The following LRP6 variants were observed in gnomAD, a reference collection of about 807,000 sequenced individuals.
The protein encoded by LRP6 is low-density lipoprotein receptor-related protein 6.
LRP6 carries 43 observed loss-of-function variants against 184.1 expected under a neutral mutation model. That is an observed-to-expected ratio of 0.23 (90% CI 0.18 to 0.30). The LOEUF (loss-of-function observed/expected upper bound fraction) is 0.30, where lower values mean the gene tolerates loss of function less well. Ranked by LOEUF, LRP6 falls within the 10% of genes least tolerant of loss-of-function variation. The pLI is 1.00. For missense variants in LRP6, 1,571 were observed against 2,005.3 expected (o/e 0.78, Z 4.14); for synonymous variants, 719 against 684.9 (o/e 1.05, Z -0.78).
intron 7 of LRP6, among the ~76,000 whole-genome samples, chr12:12,166,821 G>C (rs942042507): frequency 2.5e-4 from 38 of 152,208 alleles, no homozygotes; most frequent in Admixed American, 1.6e-3. Flanking sequence ...AATGAGGCTG[G>C]GTATGGTGGC....
intron 2 of LRP6, among the ~76,000 whole-genome samples, chr12:12,228,812 C>T (rs1864698671): frequency 6.6e-6 from 1 of 152,168 alleles, no homozygotes; most frequent in African/African-American, 2.4e-5. Context: ...AACTGTCTTC[C>T]ACAGAACCAG....
chr12:12,190,815 G>A (rs376354603), intron 3 of LRP6, among the ~76,000 whole-genome samples: 4 of 152,322 alleles, frequency 2.6e-5, no homozygotes, highest in East Asian at 3.9e-4. Flanking sequence ...CAGTGAAGCT[G>A]TAATAATATC....
At chr12:12,199,841 G>A (rs1035449598) in intron 3 of LRP6, among the ~76,000 whole-genome samples, 1 of 151,702 alleles carries the variant, frequency 6.6e-6, no homozygotes, top group Non-Finnish European at 1.5e-5. Context: ...GTGCGCACCT[G>A]TAATCCCAGC....
intron 1 of LRP6, among the ~76,000 whole-genome samples, chr12:12,257,372 A>G (rs1193844039): frequency 7.9e-5 from 12 of 151,992 alleles, no homozygotes; most frequent in Admixed American, 7.9e-4. Context: ...AGGTCAGGAG[A>G]TCAGACCATC....
intron 7 of LRP6, among the ~76,000 whole-genome samples, chr12:12,174,182 GCTCACTGCAAC>G (rs1055093814): frequency 6.6e-6 from 1 of 151,764 alleles, no homozygotes; most frequent in African/African-American, 2.4e-5. Context: ...CCTGATCTCG[GCTCACTGCAAC>G]CTCCGCCACC....
chr12:12,125,472 T>C (rs1265677074), intron 20 of LRP6, 40 bp from the exon 21 acceptor site: 2 of 1,572,200 alleles, frequency 1.3e-6, no homozygotes, highest in Admixed American at 1.7e-5. Context: ...ATGAGTATGA[T>C]ATATAAAAAT....
intron 10 of LRP6, 96 bp from the exon 11 acceptor site, chr12:12,160,060 AAC>A: frequency 2.3e-6 from 2 of 878,456 alleles, no homozygotes; most frequent in South Asian, 3.8e-5. Flanking sequence ...ATTTAAAGAA[AAC>A]ATACAGCAAA....
At chr12:12,132,533 T>C (rs1338756394) in intron 17 of LRP6, among the ~76,000 whole-genome samples, 1 of 152,186 alleles carries the variant, frequency 6.6e-6, no homozygotes, top group Non-Finnish European at 1.5e-5. Flanking sequence ...TGCTTTTTTT[T>C]GGCTATCTTT....
chr12:12,150,908 TG>T lies in LRP6; in HGVS notation c.2921del (p.Pro974HisfsTer15). The T allele has an allele frequency of 6.2e-7, 1 of 1,614,170 alleles. No individual in the cohort carries two copies. Among genetic ancestry groups the T allele is most frequent in the Non-Finnish European group, 8.5e-7 (1 of 1,180,010 alleles). On this transcript the variant is annotated frameshift_variant, in exon 13 of 23. Transcript: ENST00000261349. LOFTEE classifies it high-confidence loss of function. Reference sequence around the variant, plus strand: ...CAATCCAATAGAGTTGCTTGTCCAGTGGGTCATAGTCAATGGCCCGGACATT... The same window carrying T: ...CAATCCAATAGAGTTGCTTGTCCAGTGGTCATAGTCAATGGCCCGGACATT... The part of the protein sequence containing the change: ...LRNVRAIDYD[P>X]LDKQLYWIDS...
chr12:12,260,664 C>CT (rs1865592308), intron 1 of LRP6, among the ~76,000 whole-genome samples: 1 of 152,194 alleles, frequency 6.6e-6, no homozygotes, highest in Non-Finnish European at 1.5e-5. Context: ...ACTGTGCGTT[C>CT]TACTACCCCT....
chr12:12,194,415 C>T lies in LRP6; in HGVS notation c.648-7296G>A, dbSNP rs73291594. Among the ~76,000 whole-genome samples, 1,112 of 151,936 alleles carry T rather than the reference C, an allele frequency of 7.3e-3. 14 individuals carry two copies. Among genetic ancestry groups the T allele is most frequent in the African/African-American group, 0.025 (1,055 of 41,446 alleles). On this transcript the variant is annotated intron_variant, in intron 3 of 22. Coordinates refer to ENST00000261349, the MANE Select transcript of LRP6 (RefSeq NM_002336.3). ...AATCACCCAGACGACTTCAAAAGGC[C>T]CTGCATGAACCCTGTCCCAATCCCT...
intron 2 of LRP6, 64 bp downstream of exon 2, chr12:12,244,198 G>A: frequency 6.6e-7 from 1 of 1,506,538 alleles, no homozygotes; most frequent in East Asian, 2.3e-5. Context: ...TCAGGGTGGT[G>A]TATGTCAGTG....
chr12:12,257,779 CAAAAAAAAAAAAAAAAAA>C (rs1163180718), intron 1 of LRP6, among the ~76,000 whole-genome samples: 3 of 35,320 alleles, frequency 8.5e-5, no homozygotes, highest in Non-Finnish European at 1.4e-4. Flanking sequence ...CCTGTCTCTA[CAAAAAAAAAAAAAAAAAA>C]AAAAAAAAAA....
intron 1 of LRP6, among the ~76,000 whole-genome samples, chr12:12,265,108 C>T (rs957265777): frequency 1.3e-5 from 2 of 152,162 alleles, no homozygotes; most frequent in African/African-American, 4.8e-5. Context: ...TATTTGTCAG[C>T]CCTATTAACC....
intron 14 of LRP6, 132 bp downstream of exon 14, chr12:12,148,810 C>A: frequency 1.3e-6 from 1 of 777,968 alleles, no homozygotes; most frequent in Non-Finnish European, 2.3e-6. Context: ...AATGCAGAAA[C>A]AAACTGATAG....
intron 2 of LRP6, among the ~76,000 whole-genome samples, chr12:12,222,481 C>T (rs1192611634): frequency 1.3e-5 from 2 of 151,306 alleles, no homozygotes; most frequent in South Asian, 4.2e-4. Context: ...GCAGGAGAAT[C>T]GCTTGAATCC....
chr12:12,266,506 C>A (rs1865767429), intron 1 of LRP6, among the ~76,000 whole-genome samples, 175 bp downstream of exon 1: 1 of 152,046 alleles, frequency 6.6e-6, no homozygotes, highest in Non-Finnish European at 1.5e-5. Context: ...TGTGGCCGGG[C>A]GGTGCACGCA....
At chr12:12,212,242 A>C (rs878943158) in intron 2 of LRP6, among the ~76,000 whole-genome samples, 1 of 152,194 alleles carries the variant, frequency 6.6e-6, no homozygotes, top group Non-Finnish European at 1.5e-5. Context: ...CAAATATTTA[A>C]TAATGGTCTG....
At chr12:12,142,432 T>C (rs1383904452) in intron 15 of LRP6, among the ~76,000 whole-genome samples, 2 of 152,118 alleles carry the variant, frequency 1.3e-5, no homozygotes, top group African/African-American at 4.8e-5. Flanking sequence ...TGCTTATTTA[T>C]TCAACAAACT....
Sources: allele counts gnomAD v4.1 joint callset (sites outside exome capture counted in the v4.1 genomes callset), GRCh38; gene constraint gnomAD v4.1.1; transcripts MANE v1.5; gene names NCBI Gene and HGNC (gene_info 2026-07-23, HGNC 2026-07-21).